TMEM117: variants seen among roughly 807,000 people sequenced by gnomAD.
TMEM117 encodes the protein transmembrane protein 117.
A neutral mutation model predicts 52.4 loss-of-function variants in TMEM117; 27 were observed. That is an observed-to-expected ratio of 0.51 (90% CI 0.38 to 0.71). TMEM117 has a LOEUF of 0.71. Ranked by LOEUF, TMEM117 falls within the 30% of genes least tolerant of loss-of-function variation. The pLI, the probability that TMEM117 is intolerant of heterozygous loss-of-function variation, is 0.00. For synonymous variants in TMEM117, 215 were observed against 206.3 expected (o/e 1.04, Z -0.36); for missense variants, 556 against 630.5 (o/e 0.88, Z 1.26).
chr12:43,997,305 A>G (rs1031231892), intron 3 of TMEM117, among the ~76,000 whole-genome samples: 3 of 152,196 alleles, frequency 2.0e-5, no homozygotes, highest in African/African-American at 7.2e-5. Flanking sequence ...AACAGGTGAA[A>G]TGATGCATAG....
intron 3 of TMEM117, among the ~76,000 whole-genome samples, chr12:44,114,628 C>T (rs550896540): frequency 5.0e-4 from 76 of 152,254 alleles, no homozygotes; most frequent in African/African-American, 1.7e-3. Context: ...GCTTTGTTTT[C>T]TCCATCTAGT....
At chr12:43,932,471 T>C (rs1208552841) in intron 2 of TMEM117, among the ~76,000 whole-genome samples, 1 of 152,054 alleles carries the variant, frequency 6.6e-6, no homozygotes, top group African/African-American at 2.4e-5. Context: ...TGGATAGTTA[T>C]TGGAGAATTG....
chr12:44,393,323 A>G (rs1952169340), downstream of TMEM117, among the ~76,000 whole-genome samples: 1 of 152,178 alleles, frequency 6.6e-6, no homozygotes, highest in African/African-American at 2.4e-5. Flanking sequence ...AAACAAATTT[A>G]TAGATACTCC....
intron 4 of TMEM117, among the ~76,000 whole-genome samples, chr12:44,171,641 A>T (rs1949048165): frequency 1.3e-5 from 2 of 152,210 alleles, no homozygotes; most frequent in Admixed American, 1.3e-4. Flanking sequence ...TTAATATCAT[A>T]GTAAAATCGT....
At chr12:43,816,837 C>A in the TMEM117 span, among the ~76,000 whole-genome samples, 1 of 152,148 alleles carries the variant, frequency 6.6e-6, no homozygotes. Context: ...ATGATGCCAG[C>A]ATTAATTTAT....
At chr12:44,119,477 C>T (rs10506238) in intron 3 of TMEM117, among the ~76,000 whole-genome samples, 16,839 of 152,158 alleles carry the variant, frequency 0.11, 2,515 homozygotes, top group African/African-American at 0.34. Context: ...GTTTTGTTTT[C>T]ATGAGCCCCA....
chr12:43,852,843 T>C (rs77556291), intron 2 of TMEM117, among the ~76,000 whole-genome samples: 5,697 of 152,278 alleles, frequency 0.037, 269 homozygotes, highest in African/African-American at 0.1. Flanking sequence ...CTATTAGTTG[T>C]CATTTTCTTT....
chr12:44,385,473 A>C (rs1952075904), intron 7 of TMEM117, among the ~76,000 whole-genome samples: 1 of 152,072 alleles, frequency 6.6e-6, no homozygotes. Context: ...TGGTGACTTG[A>C]GCTTGTAGTT....
chr12:44,231,224 CT>C (rs1565617200), intron 5 of TMEM117, among the ~76,000 whole-genome samples: 1 of 151,874 alleles, frequency 6.6e-6, no homozygotes, highest in Non-Finnish European at 1.5e-5. Flanking sequence ...AATTCTTCCT[CT>C]TTTTGAAATA....
intron 3 of TMEM117, among the ~76,000 whole-genome samples, chr12:44,080,106 C>T (rs566041022): frequency 6.6e-6 from 1 of 151,224 alleles, no homozygotes; most frequent in Admixed American, 6.6e-5. Flanking sequence ...CATTGTAGAA[C>T]CTTTAAAACC....
intron 2 of TMEM117, among the ~76,000 whole-genome samples, chr12:43,913,539 A>G (rs531066336): frequency 1.6e-3 from 237 of 152,270 alleles, no homozygotes; most frequent in Middle Eastern, 3.4e-3. Flanking sequence ...GGGCTATCTG[A>G]GTGACATCCC....
intron 3 of TMEM117, among the ~76,000 whole-genome samples, chr12:44,141,709 G>A (rs941013561): frequency 2.6e-5 from 4 of 152,074 alleles, no homozygotes; most frequent in Non-Finnish European, 5.9e-5. Context: ...GTAATGTTGA[G>A]TTCACTGACC....
At chr12:43,964,160 A>G (rs554498351) in intron 3 of TMEM117, among the ~76,000 whole-genome samples, 1 of 152,190 alleles carries the variant, frequency 6.6e-6, no homozygotes, top group East Asian at 1.9e-4. Flanking sequence ...TGTAATGTGG[A>G]AGGTTGCTAG....
rs189811974 is a variant in TMEM117, at chr12:44,247,357, C to T, written c.608+35970C>T. On this transcript the variant is annotated intron_variant, in intron 5 of 7. Coordinates refer to ENST00000266534, the MANE Select transcript of TMEM117 (RefSeq NM_032256.3). ...AGGGGGAGATAGCAACAGGATGAGA[C>T]GGCAACATTTTCTTTTATGCTCAAG... 2.8e-4 allele frequency among the ~76,000 whole-genome samples: 42 copies of T among 152,230 alleles called. No individual in the cohort carries two copies. In the East Asian group the frequency reaches 5.0e-3, roughly 18 times the overall value.
chr12:43,842,661 A>G (rs2137350680), intron 1 of TMEM117, among the ~76,000 whole-genome samples: 1 of 152,178 alleles, frequency 6.6e-6, no homozygotes, highest in South Asian at 2.1e-4. Flanking sequence ...TAAAGTGAGA[A>G]TATTTATTAA....
chr12:43,826,548 G>A, the TMEM117 span, among the ~76,000 whole-genome samples: 2 of 152,172 alleles, frequency 1.3e-5, no homozygotes, highest in Admixed American at 1.3e-4. Flanking sequence ...AGGGATATTG[G>A]TGGCTGCCTA....
At chr12:44,162,863 T>A (rs185789550) in intron 4 of TMEM117, among the ~76,000 whole-genome samples, 15 of 152,338 alleles carry the variant, frequency 9.8e-5, no homozygotes, top group African/African-American at 3.1e-4. Context: ...AAAGATTTTT[T>A]AAAAATAGCC....
intron 2 of TMEM117, among the ~76,000 whole-genome samples, chr12:43,901,465 C>G (rs1326387709): frequency 6.6e-6 from 1 of 152,138 alleles, no homozygotes; most frequent in East Asian, 1.9e-4. Flanking sequence ...CATGTGCCAC[C>G]AAGCCCAGCT....
chr12:44,251,386 A>G (rs1230894282), intron 5 of TMEM117, among the ~76,000 whole-genome samples: 2 of 152,138 alleles, frequency 1.3e-5, no homozygotes, highest in African/African-American at 2.4e-5. Context: ...CTTTCAGGAC[A>G]CTGGTATTTA....
Sources: allele counts gnomAD v4.1 joint callset (sites outside exome capture counted in the v4.1 genomes callset), GRCh38; gene constraint gnomAD v4.1.1; transcripts MANE v1.5; gene names NCBI Gene and HGNC (gene_info 2026-07-23, HGNC 2026-07-21).